ARMC2: variants seen among roughly 807,000 people sequenced by gnomAD.
ARMC2 encodes the protein armadillo repeat containing 2, also known as armadillo repeat-containing protein 2.
In ARMC2, 67 loss-of-function variants were observed where a neutral mutation model predicts 90.3. The ratio of observed to expected loss-of-function variants is 0.74; its 90% CI spans 0.61 to 0.91. ARMC2 has a LOEUF of 0.91. ARMC2 is among the 40% of genes least tolerant of loss of function. The pLI is 0.00. For synonymous variants in ARMC2, 393 were observed against 393.0 expected (o/e 1.00, Z 0.00); for missense variants, 920 against 1,030.9 (o/e 0.89, Z 1.47).
At chr6:108,909,989 CCTTT>C (rs754833730) in intron 8 of ARMC2, among the ~76,000 whole-genome samples, 55 of 152,028 alleles carry the variant, frequency 3.6e-4, no homozygotes, top group Admixed American at 5.9e-4. Context: ...AAACTTTCCC[CCTTT>C]CTTTTCTTTC....
the ARMC2 span, among the ~76,000 whole-genome samples, chr6:109,045,162 T>A: frequency 6.6e-6 from 1 of 152,202 alleles, no homozygotes; most frequent in Admixed American, 6.5e-5. Context: ...TGTGCCTAGC[T>A]AGGCTCCTCT....
the ARMC2 span, among the ~76,000 whole-genome samples, chr6:108,984,684 A>G: frequency 6.6e-6 from 1 of 152,136 alleles, no homozygotes; most frequent in Non-Finnish European, 1.5e-5. Context: ...TTGTAAATGG[A>G]ATTGTTAAAT....
intron 8 of ARMC2, among the ~76,000 whole-genome samples, chr6:108,905,105 C>A (rs763869616): frequency 1.3e-5 from 2 of 152,154 alleles, no homozygotes; most frequent in Non-Finnish European, 2.9e-5. Flanking sequence ...CTAAGAGAGC[C>A]GCTAAAACAA....
intron 10 of ARMC2, among the ~76,000 whole-genome samples, chr6:108,921,553 A>T (rs1774570744): frequency 6.6e-6 from 1 of 152,238 alleles, no homozygotes. Context: ...GCATCTTGTC[A>T]TTGGTTTCTT....
chr6:108,894,432 A>C, intron 5 of ARMC2, 35 bp from the exon 6 acceptor site: 1 of 1,559,772 alleles, frequency 6.4e-7, no homozygotes, highest in South Asian at 1.2e-5. Flanking sequence ...AAGTGTTTTC[A>C]TGTTTGCGCT....
In ARMC2 at chr6:108,866,744, A is replaced by G. The variant is rs138819763; in HGVS notation, c.292-2080A>G. 8.6e-3 allele frequency among the ~76,000 whole-genome samples: 1,312 copies of G among 152,268 alleles called. 8 individuals are homozygous for G. The highest frequency in any genetic ancestry group is 0.014 in the Middle Eastern group (4 of 294). ...GATTTATGCTTTCTTCCATATTATG[A>G]TGATTATTTTATTTACTGTTTTTTT... On this transcript the variant is annotated intron_variant, in intron 3 of 17. Transcript: ENST00000392644.
intron 13 of ARMC2, among the ~76,000 whole-genome samples, chr6:108,954,461 T>C (rs1472469245): frequency 1.3e-5 from 2 of 152,066 alleles, no homozygotes; most frequent in African/African-American, 4.8e-5. Context: ...CTTTCTCTAC[T>C]AAAATACGAA....
At position 108,961,558 on chromosome 6, in the gene ARMC2, T is replaced by A. The variant is rs1778001464; in HGVS notation, c.1916-14T>A. 6.3e-7 allele frequency: 1 copy of A among 1,597,600 alleles called. No individual in the cohort carries two copies. Among genetic ancestry groups the A allele is most frequent in the Non-Finnish European group, 8.5e-7 (1 of 1,172,326 alleles). ...CAGTGGGTCTTTGACTCCCTTATCC[T>A]TACTTCATTTCAGAATACAAGTCAC... is the stretch of plus-strand genomic sequence containing the variant. On this transcript the variant is annotated splice_polypyrimidine_tract_variant and intron_variant, in intron 13 of 17. Coordinates refer to ENST00000392644, the MANE Select transcript of ARMC2 (RefSeq NM_032131.6).
chr6:109,042,660 A>G, the ARMC2 span, among the ~76,000 whole-genome samples: 2 of 151,988 alleles, frequency 1.3e-5, no homozygotes, highest in South Asian at 2.1e-4. Flanking sequence ...CTCACCTACT[A>G]TGAAATAGAT....
chr6:108,925,557 G>A (rs766158633), intron 10 of ARMC2, among the ~76,000 whole-genome samples: 4 of 152,214 alleles, frequency 2.6e-5, no homozygotes, highest in Non-Finnish European at 5.9e-5. Flanking sequence ...GAAGCTTGAC[G>A]GGTTGAGAAG....
chr6:108,881,305 C>CCTTCCTTCCTTCCTTCCTTCCTTA (rs1777554497), intron 5 of ARMC2, among the ~76,000 whole-genome samples: 2 of 118,496 alleles, frequency 1.7e-5, no homozygotes, highest in Non-Finnish European at 3.3e-5. Context: ...CCCCTTCCTT[C>CCTTCCTTCCTTCCTTCCTTCCTTA]CTTCCTTCCT....
At chr6:108,869,589 A>G (rs984710988) in intron 4 of ARMC2, among the ~76,000 whole-genome samples, 5 of 152,252 alleles carry the variant, frequency 3.3e-5, no homozygotes, top group African/African-American at 9.6e-5. Flanking sequence ...TTTTTAAATT[A>G]GAGTTCAAAA....
At chr6:109,018,563 T>A in the ARMC2 span, among the ~76,000 whole-genome samples, 1 of 149,878 alleles carries the variant, frequency 6.7e-6, no homozygotes, top group Non-Finnish European at 1.5e-5. Context: ...AATTTTGTAA[T>A]GTTGAAGGAA....
At chr6:108,952,010 C>T (rs1410582197) in intron 12 of ARMC2, among the ~76,000 whole-genome samples, 1 of 152,254 alleles carries the variant, frequency 6.6e-6, no homozygotes, top group African/African-American at 2.4e-5. Flanking sequence ...CCTTACCCTT[C>T]ACCAGCCATG....
At chr6:108,882,371 A>G in intron 5 of ARMC2, among the ~76,000 whole-genome samples, 1 of 151,564 alleles carries the variant, frequency 6.6e-6, no homozygotes, top group Non-Finnish European at 1.5e-5. Context: ...CCCGGGAGGC[A>G]GAGCTTTCAG....
the ARMC2 span, chr6:108,992,976 T>C: frequency 1.1e-6 from 1 of 881,046 alleles, no homozygotes; most frequent in Admixed American, 2.0e-5. Flanking sequence ...GGAGTAAAAA[T>C]GGCATAACTC....
intron 4 of ARMC2, among the ~76,000 whole-genome samples, chr6:108,873,000 T>C (rs191078475): frequency 5.9e-4 from 90 of 152,336 alleles, no homozygotes; most frequent in East Asian, 5.4e-3. Flanking sequence ...CCTGCTGGAC[T>C]GTGGGATCTG....
At chr6:108,998,658 A>C in the ARMC2 span, 3 of 1,613,988 alleles carry the variant, frequency 1.9e-6, no homozygotes, top group Non-Finnish European at 2.5e-6. Flanking sequence ...TCCACAGCCG[A>C]ATGTGAATGA....
chr6:108,961,025 A>G (rs1777963034), intron 13 of ARMC2, among the ~76,000 whole-genome samples: 1 of 152,164 alleles, frequency 6.6e-6, no homozygotes, highest in Admixed American at 6.5e-5. Flanking sequence ...TTGAGAATAG[A>G]TTTAGGGAGG....
Sources: allele counts gnomAD v4.1 joint callset (sites outside exome capture counted in the v4.1 genomes callset), GRCh38; gene constraint gnomAD v4.1.1; transcripts MANE v1.5; gene names NCBI Gene and HGNC (gene_info 2026-07-23, HGNC 2026-07-21).